Variants in DPYSL3 observed in about 807,000 individuals in gnomAD.
DPYSL3 encodes the protein dihydropyrimidinase-related protein 3.
In DPYSL3, 16 loss-of-function variants were observed where a neutral mutation model predicts 66.1. The ratio of observed to expected loss-of-function variants is 0.24; its 90% confidence interval spans 0.16 to 0.37. The LOEUF (loss-of-function observed/expected upper bound fraction) is 0.37. Among genes scored for constraint, DPYSL3 ranks in the 10% least tolerant of loss-of-function variants. The pLI is 1.00. For synonymous variants in DPYSL3, 338 were observed against 345.1 expected, an observed-to-expected ratio of 0.98 and a Z score of 0.23; for missense variants, 738 against 916.2, an observed-to-expected ratio of 0.81 and a Z score of 2.51.
chr5:147,446,367 C>T (rs914167929), intron 1 of DPYSL3, among the ~76,000 whole-genome samples: 1 of 152,222 alleles, frequency 6.6e-6, no homozygotes, highest in Non-Finnish European at 1.5e-5. Context: ...GGTTCTTTTG[C>T]TCTTCTAGTC....
At chr5:147,412,767 G>T in intron 5 of DPYSL3, 79 bp from the exon 6 acceptor site, 1 of 1,245,168 alleles carries the variant, frequency 8.0e-7, no homozygotes, top group Non-Finnish European at 1.2e-6. Context: ...CAGAGCCCAA[G>T]CTAAAACAGA....
At position 147,394,102 on chromosome 5, in the gene DPYSL3, AC is replaced by A. The variant is rs1238404625; in HGVS notation, c.1987del (p.Val663PhefsTer21). On this transcript the variant is annotated frameshift_variant, in exon 14 of 14. Transcript: ENST00000343218. LOFTEE classifies it high-confidence loss of function. Reference sequence around the variant, plus strand: ...CACGATGCGCTTGCTGGCTGAGCGAACCCCCTCATCCACTTGGGTGCCTACA... The same window carrying A: ...CACGATGCGCTTGCTGGCTGAGCGAACCCCTCATCCACTTGGGTGCCTACA... ...SLSGTQVDEGVRSASKRIVAP... is the reference protein window; with the variant it reads ...SLSGTQVDEGXRSASKRIVAP... 6.2e-7 allele frequency: 1 copy of A among 1,613,584 alleles called. No individual in the cohort carries two copies. Among genetic ancestry groups the A allele is most frequent in the Non-Finnish European group, 8.5e-7 (1 of 1,179,920 alleles).
In DPYSL3 at chr5:147,417,352, A is replaced by G. The variant is rs3805543; in HGVS notation, c.655+1095T>C. Among the ~76,000 whole-genome samples, 2,515 of 152,284 alleles carry G rather than the reference A, an allele frequency of 0.017. 123 individuals carry two copies. The East Asian group carries it at 0.18, about 11-fold the overall frequency. On this transcript the variant is annotated intron_variant, in intron 3 of 13. Coordinates refer to ENST00000343218, the MANE Select transcript of DPYSL3 (RefSeq NM_001197294.2). Reference sequence around the variant, plus strand: ...TACTAATGTCTGGGGCAACACCAGGACTTTCATCAGCAGGCAGCTGCTGAG... The same window carrying G: ...TACTAATGTCTGGGGCAACACCAGGGCTTTCATCAGCAGGCAGCTGCTGAG...
intron 1 of DPYSL3, among the ~76,000 whole-genome samples, chr5:147,441,405 T>C (rs978944920): frequency 6.6e-6 from 1 of 152,142 alleles, no homozygotes; most frequent in Non-Finnish European, 1.5e-5. Context: ...TCTATTCTTC[T>C]TATAAAACTC....
intron 1 of DPYSL3, among the ~76,000 whole-genome samples, chr5:147,507,650 A>G (rs1303462899): frequency 6.6e-6 from 1 of 152,186 alleles, no homozygotes; most frequent in East Asian, 1.9e-4. Flanking sequence ...ATTAGAGATA[A>G]TAACATGGCC....
At chr5:147,443,941 A>G (rs983460792) in intron 1 of DPYSL3, among the ~76,000 whole-genome samples, 10 of 152,114 alleles carry the variant, frequency 6.6e-5, no homozygotes, top group African/African-American at 2.4e-4. Flanking sequence ...CCTGATGCCA[A>G]GCAGTGCTAA....
intron 1 of DPYSL3, among the ~76,000 whole-genome samples, chr5:147,465,604 G>A (rs1221043527): frequency 6.6e-6 from 1 of 152,094 alleles, no homozygotes; most frequent in African/African-American, 2.4e-5. Flanking sequence ...CCGGCCCCTG[G>A]TCCCTTAAGA....
intron 1 of DPYSL3, among the ~76,000 whole-genome samples, chr5:147,484,262 A>G (rs1180890085): frequency 6.6e-6 from 1 of 152,164 alleles, no homozygotes; most frequent in African/African-American, 2.4e-5. Flanking sequence ...CCCCTTCACC[A>G]AATGATTTAT....
chr5:147,396,238 T>C (rs1757966802), intron 12 of DPYSL3, among the ~76,000 whole-genome samples: 2 of 152,164 alleles, frequency 1.3e-5, no homozygotes, highest in Admixed American at 6.5e-5. Flanking sequence ...GGCCTTGAAG[T>C]GAGTGTCTGT....
At chr5:147,469,666 T>G (rs945238439) in intron 1 of DPYSL3, among the ~76,000 whole-genome samples, 1 of 152,160 alleles carries the variant, frequency 6.6e-6, no homozygotes, top group African/African-American at 2.4e-5. Context: ...TATATATTTT[T>G]TGCACATTTT....
At chr5:147,468,912 G>C (rs570612523) in intron 1 of DPYSL3, among the ~76,000 whole-genome samples, 7 of 152,222 alleles carry the variant, frequency 4.6e-5, no homozygotes, top group African/African-American at 1.4e-4. Flanking sequence ...CCAATGGACA[G>C]CAATAATGAT....
At chr5:147,398,056 G>A (rs746520623) in intron 11 of DPYSL3, among the ~76,000 whole-genome samples, 1 of 152,112 alleles carries the variant, frequency 6.6e-6, no homozygotes, top group African/African-American at 2.4e-5. Context: ...AGAAGTGTCC[G>A]GTCTTTAATA....
intron 1 of DPYSL3, among the ~76,000 whole-genome samples, chr5:147,467,304 G>A (rs938593291): frequency 2.2e-4 from 34 of 152,164 alleles, no homozygotes; most frequent in Non-Finnish European, 4.4e-5. Context: ...CACAAAAAAG[G>A]GGAAACAGGT....
intron 1 of DPYSL3, among the ~76,000 whole-genome samples, chr5:147,465,961 G>T (rs1469815457): frequency 1.3e-5 from 2 of 152,218 alleles, no homozygotes; most frequent in African/African-American, 4.8e-5. Flanking sequence ...TGCTTCCCAG[G>T]ATACTCAGCC....
intron 9 of DPYSL3, among the ~76,000 whole-genome samples, 164 bp downstream of exon 9, chr5:147,401,376 G>A (rs1459535684): frequency 1.3e-5 from 2 of 152,194 alleles, no homozygotes; most frequent in Non-Finnish European, 2.9e-5. Flanking sequence ...GGATGGGGAA[G>A]AGCCTGCTTT....
At chr5:147,457,379 A>G (rs188107368) in intron 1 of DPYSL3, among the ~76,000 whole-genome samples, 2 of 152,334 alleles carry the variant, frequency 1.3e-5, no homozygotes, top group South Asian at 2.1e-4. Context: ...CCTTGTCCAT[A>G]GAAATTGCTC....
chr5:147,455,720 C>T (rs990408766), intron 1 of DPYSL3, among the ~76,000 whole-genome samples: 1 of 151,872 alleles, frequency 6.6e-6, no homozygotes, highest in Non-Finnish European at 1.5e-5. Context: ...GCACATTTTT[C>T]TCAAGAAAAG....
At chr5:147,447,882 G>A (rs777122758) in intron 1 of DPYSL3, among the ~76,000 whole-genome samples, 2 of 152,102 alleles carry the variant, frequency 1.3e-5, no homozygotes, top group Non-Finnish European at 2.9e-5. Flanking sequence ...TCCATCACAA[G>A]AGGTAATGAC....
Position 147,458,182 on chromosome 5 carries a change from G to C in DPYSL3, c.382-33219C>G, listed in dbSNP as rs531521014. Among the ~76,000 whole-genome samples the C allele has an allele frequency of 2.1e-3, 324 of 152,292 alleles. 1 individual carries two copies. The highest frequency in any genetic ancestry group is 3.5e-3 in the Non-Finnish European group (238 of 68,018). ...TTCCCAGATGGTTAAGGCATTCTAA[G>C]TCACAGGATGAGAGAGGAGGTCGGC... is the stretch of plus-strand genomic sequence containing the variant. On this transcript the variant is annotated intron_variant, in intron 1 of 13. Transcript: ENST00000343218.
Sources: gnomAD v4.1 joint callset for allele counts (sites outside exome capture counted in the v4.1 genomes callset) on GRCh38, gnomAD v4.1.1 for gene constraint, MANE v1.5 for transcripts, NCBI Gene and HGNC (gene_info 2026-07-23, HGNC 2026-07-21) for gene names.